Variants in MECOM observed in about 807,000 individuals in gnomAD.
The protein encoded by MECOM is MDS1 and EVI1 complex locus.
Under a neutral mutation model 116.3 loss-of-function variants are expected in MECOM, and 13 were observed. That is an observed-to-expected ratio of 0.11 (90% CI 0.07 to 0.18). MECOM has a LOEUF of 0.18. Ranked by LOEUF, MECOM falls within the 10% of genes least tolerant of loss-of-function variation. The pLI is 1.00. For synonymous variants in MECOM, 528 were observed against 535.2 expected (o/e 0.99, Z 0.19); for missense variants, 1,299 against 1,509.0 (o/e 0.86, Z 2.31).
intron 2 of MECOM, among the ~76,000 whole-genome samples, chr3:169,251,530 C>G (rs1577472247): frequency 6.6e-6 from 1 of 152,154 alleles, no homozygotes; most frequent in Non-Finnish European, 1.5e-5. Flanking sequence ...CAGGCTTTTT[C>G]TCTCTTTAAA....
chr3:169,381,649 C>T, intron 1 of MECOM, 125 bp from the exon 2 acceptor site: 2 of 734,774 alleles, frequency 2.7e-6, no homozygotes, highest in Non-Finnish European at 2.1e-6. Flanking sequence ...TACGATGTGC[C>T]TTCATTAAAA....
intron 1 of MECOM, among the ~76,000 whole-genome samples, chr3:169,501,732 C>G (rs1189858898): frequency 6.6e-6 from 1 of 152,060 alleles, no homozygotes; most frequent in Non-Finnish European, 1.5e-5. Context: ...ACTTTTGGCT[C>G]TCATTCATGT....
chr3:169,249,974 C>T (rs1255648958), intron 2 of MECOM, among the ~76,000 whole-genome samples: 7 of 152,132 alleles, frequency 4.6e-5, no homozygotes, highest in Non-Finnish European at 7.4e-5. Context: ...TTTATTGGTA[C>T]TTACATTCTG....
In MECOM at chr3:169,138,257, A is replaced by G. The variant is rs114254621; in HGVS notation, c.510+5441T>C. On this transcript the variant is annotated intron_variant, in intron 3 of 16. Coordinates refer to ENST00000651503, the MANE Select transcript of MECOM (RefSeq NM_004991.4). ...ATATACATGCAAACACTAACTACTT[A>G]AAATGTACACTTAATACTTCAGGTC... 1.8e-3 allele frequency among the ~76,000 whole-genome samples: 281 copies of G among 152,258 alleles called. 2 individuals carry two copies. The highest frequency in any genetic ancestry group is 3.4e-3 in the Middle Eastern group (1 of 294).
chr3:169,578,434 G>C (rs557618411), intron 1 of MECOM, among the ~76,000 whole-genome samples: 2 of 152,108 alleles, frequency 1.3e-5, no homozygotes, highest in South Asian at 4.2e-4. Context: ...GCTTAAATGT[G>C]GTGCCATTTA....
Position 169,116,188 on chromosome 3 carries a change from C to T in MECOM, c.1684G>A (p.Glu562Lys), listed in dbSNP as rs149928659. Residue 562 changes from glutamate to lysine, a missense_variant, in exon 8 of 17, where the codon GAG becomes AAG. Transcript: ENST00000651503. ...GDNKPVELQP[E>K]RSSEERPFEK... ...AAGGGCCTCTCTTCAGAGGACCTCT[C>T]GGGCTGGAGCTCCACTGGCTTATTG... The T allele has an allele frequency of 1.2e-5, 19 of 1,614,170 alleles. No individual in the cohort carries two copies. In the East Asian group the frequency reaches 1.3e-4, roughly 11 times the overall value.
intron 2 of MECOM, among the ~76,000 whole-genome samples, chr3:169,306,314 C>T (rs773218615): frequency 2.6e-5 from 4 of 152,162 alleles, no homozygotes; most frequent in African/African-American, 7.2e-5. Context: ...ATAGATAAGA[C>T]ATATTCATCC....
At chr3:169,259,331 G>T (rs913244297) in intron 2 of MECOM, among the ~76,000 whole-genome samples, 1 of 152,114 alleles carries the variant, frequency 6.6e-6, no homozygotes, top group Non-Finnish European at 1.5e-5. Context: ...CAAATCTTAC[G>T]TTATACAGTA....
At chr3:169,415,144 T>C (rs995456375) in intron 1 of MECOM, among the ~76,000 whole-genome samples, 1 of 152,040 alleles carries the variant, frequency 6.6e-6, no homozygotes, top group Non-Finnish European at 1.5e-5. Context: ...AAAGGTCAGG[T>C]TACACACAAA....
intron 1 of MECOM, among the ~76,000 whole-genome samples, chr3:169,580,612 A>G (rs967483425): frequency 6.6e-6 from 1 of 152,156 alleles, no homozygotes; most frequent in African/African-American, 2.4e-5. Context: ...TGTGATATCT[A>G]TTTTCCTGAA....
chr3:169,259,620 T>G (rs1757297801), intron 2 of MECOM, among the ~76,000 whole-genome samples: 1 of 152,016 alleles, frequency 6.6e-6, no homozygotes, highest in Non-Finnish European at 1.5e-5. Flanking sequence ...TTCCAGCCAC[T>G]CGGGAGGCTG....
At chr3:169,595,121 A>C (rs1264565592) in intron 1 of MECOM, among the ~76,000 whole-genome samples, 1 of 152,182 alleles carries the variant, frequency 6.6e-6, no homozygotes, top group African/African-American at 2.4e-5. Context: ...TGATTAAAGA[A>C]ATGCTTAATG....
At chr3:169,641,598 G>A (rs139806893) in intron 1 of MECOM, among the ~76,000 whole-genome samples, 10 of 152,332 alleles carry the variant, frequency 6.6e-5, no homozygotes, top group Admixed American at 6.5e-4. Context: ...AGAGGACCAC[G>A]TGGGCTAATT....
At chr3:169,102,638 C>T (rs1287205989) in intron 10 of MECOM, among the ~76,000 whole-genome samples, 4 of 151,932 alleles carry the variant, frequency 2.6e-5, no homozygotes, top group African/African-American at 4.8e-5. Context: ...CAATGAAAAC[C>T]GTAAGAACCA....
At chr3:169,149,816 T>G in intron 2 of MECOM, 1 of 377,350 alleles carries the variant, frequency 2.7e-6, no homozygotes, top group South Asian at 2.0e-5. Flanking sequence ...ATCATTATCG[T>G]CATCATCAGT....
intron 2 of MECOM, among the ~76,000 whole-genome samples, chr3:169,315,799 C>G (rs749479323): frequency 7.9e-5 from 12 of 152,056 alleles, no homozygotes; most frequent in Non-Finnish European, 1.8e-4. Flanking sequence ...ATGAATGTTA[C>G]CAGTTAACCA....
At chr3:169,456,653 C>T (rs143589986) in intron 1 of MECOM, among the ~76,000 whole-genome samples, 1 of 152,254 alleles carries the variant, frequency 6.6e-6, no homozygotes, top group Non-Finnish European at 1.5e-5. Context: ...AACAAGCCCA[C>T]TCCACGATTC....
At chr3:169,232,802 C>T (rs899392839) in intron 2 of MECOM, among the ~76,000 whole-genome samples, 2 of 151,964 alleles carry the variant, frequency 1.3e-5, no homozygotes, top group South Asian at 4.2e-4. Context: ...TTGATTCAGG[C>T]CCCAAACACT....
intron 1 of MECOM, among the ~76,000 whole-genome samples, chr3:169,386,897 T>A (rs2108311426): frequency 6.6e-6 from 1 of 152,316 alleles, no homozygotes; most frequent in South Asian, 2.1e-4. Context: ...AATTCACATC[T>A]CAGTTGATTA....
Sources: allele counts gnomAD v4.1 joint callset (sites outside exome capture counted in the v4.1 genomes callset), GRCh38; gene constraint gnomAD v4.1.1; transcripts MANE v1.5; gene names NCBI Gene and HGNC (gene_info 2026-07-23, HGNC 2026-07-21).